CDT1: variants seen among roughly 807,000 people sequenced by gnomAD.
CDT1 encodes the protein DNA replication factor Cdt1.
CDT1 carries 66 observed loss-of-function variants against 49.3 expected under a neutral mutation model. The ratio of observed to expected loss-of-function variants is 1.34; its 90% CI spans 1.10 to 1.64. CDT1 has a LOEUF of 1.64. CDT1 is among the 40% of genes most tolerant of loss of function. The pLI is 0.00. For synonymous variants in CDT1, 424 were observed against 347.4 expected (o/e 1.22, Z -2.45); for missense variants, 958 against 807.7 (o/e 1.19, Z -2.26).
chr16:88,806,928 G>C, intron 7 of CDT1, 123 bp from the exon 8 acceptor site: 2 of 1,376,606 alleles, frequency 1.5e-6, no homozygotes, highest in Non-Finnish European at 2.1e-6. Context: ...TGCATTGACC[G>C]GCACAGACCA....
In CDT1 at chr16:88,806,009, C is replaced by T. The variant is rs769684855; in HGVS notation, c.833-12C>T. The T allele has an allele frequency of 6.3e-7, 1 of 1,585,410 alleles. No homozygotes were observed. Among genetic ancestry groups the T allele is most frequent in the Non-Finnish European group, 8.6e-7 (1 of 1,169,380 alleles). On this transcript the variant is annotated splice_polypyrimidine_tract_variant and intron_variant, in intron 5 of 9. Transcript: ENST00000301019. ...GGCCTGGTGGGGACTTAGGCCTGGACTCGTCCCACAGAGGCTGACGGAGCA... is the reference window on the plus strand; with the variant it reads ...GGCCTGGTGGGGACTTAGGCCTGGATTCGTCCCACAGAGGCTGACGGAGCA...
At chr16:88,804,316 G>A (rs1042259899) in intron 1 of CDT1, among the ~76,000 whole-genome samples, 2 of 152,170 alleles carry the variant, frequency 1.3e-5, no homozygotes, top group African/African-American at 4.8e-5. Context: ...TGGAAGTCCA[G>A]CTTCTCTGCG....
rs961795841 is a variant in CDT1, at chr16:88,808,062, C to T, written c.1478-53C>T. The stretch of plus-strand genomic sequence containing the variant: ...GGTCAGGCTGGTTTCAAGTGCTGCC[C>T]GTGCAGGGCTGGGGCCCAGCACCAG... On this transcript the variant is annotated intron_variant, in intron 9 of 9. Transcript: ENST00000301019. The T allele has an allele frequency of 6.6e-5, 105 of 1,589,116 alleles. 2 individuals are homozygous for T. Among genetic ancestry groups the T allele is most frequent in the South Asian group, 5.9e-4 (52 of 88,682 alleles).
Position 88,807,436 on chromosome 16 carries a change from G to A in CDT1, c.1431G>A (p.Val477=). The stretch of plus-strand genomic sequence containing the variant: ...GCAAGCCTGCGCTCAGCATGGAGGT[G>A]GCCTGTGCCAGGATGGTGGGCAGCT... ...SERKPALSME[V]ACARMVGSCC... Residue 477 remains valine (V), a synonymous_variant, in exon 9 of 10, where the codon GTG becomes GTA. Coordinates refer to ENST00000301019, the MANE Select transcript of CDT1 (RefSeq NM_030928.4). 1 of 1,613,184 alleles carries A rather than the reference G, an allele frequency of 6.2e-7. No homozygotes were observed. The highest frequency in any genetic ancestry group is 8.5e-7 in the Non-Finnish European group (1 of 1,179,982).
Position 88,808,730 on chromosome 16 carries a change from C to T in CDT1, c.*452C>T, listed in dbSNP as rs551747679. 5 of 192,634 alleles carry T rather than the reference C, an allele frequency of 2.6e-5. 1 individual carries two copies. Among genetic ancestry groups the T allele is most frequent in the East Asian group, 1.3e-4 (1 of 7,440 alleles). The allele number at this position is 192,634 out of a possible 1,614,324, so 11.9% of individuals were successfully genotyped here. ...AGAAAGACTGGGGTGGGTGTGGTGG[C>T]TCACGCCTGTAACCCCAGCACTTTG... On this transcript the variant is annotated 3_prime_UTR_variant, in exon 10 of 10. Transcript: ENST00000301019.
rs1176736517 is a variant in CDT1, at chr16:88,808,286, G to A, written c.*8G>A. 3.2e-6 allele frequency: 5 copies of A among 1,577,810 alleles called. No homozygotes were observed. Among genetic ancestry groups the A allele is most frequent in the Admixed American group, 1.8e-5 (1 of 54,344 alleles). Reference sequence around the variant, plus strand: ...GCTGAGGAGGGGCTGTGAGCCTGGGGGCCACTGTGGACAGACGTGGGCTTC... The same window carrying A: ...GCTGAGGAGGGGCTGTGAGCCTGGGAGCCACTGTGGACAGACGTGGGCTTC... On this transcript the variant is annotated 3_prime_UTR_variant, in exon 10 of 10. Transcript: ENST00000301019.
chr16:88,804,150 A>C, intron 1 of CDT1, 91 bp downstream of exon 1: 14 of 625,160 alleles, frequency 2.2e-5, no homozygotes, highest in Non-Finnish European at 2.7e-5. Flanking sequence ...AGGCGGAGGG[A>C]CGGGGGCGGG....
rs1908882700 is a variant in CDT1 at position 88,807,040 on chromosome 16, CCCT to C, written c.1123-8_1123-6del. ...TTGTGACCTCTCCAGTCCAACCTGT[CCCT>C]CCCGCAGATGGAGAAGGCCTTGAGT... On this transcript the variant is annotated splice_polypyrimidine_tract_variant and splice_region_variant and intron_variant, in intron 7 of 9. Coordinates refer to ENST00000301019, the MANE Select transcript of CDT1 (RefSeq NM_030928.4). 3 of 1,612,716 alleles carry C rather than the reference CCCT, an allele frequency of 1.9e-6. No homozygotes were observed. The highest frequency in any genetic ancestry group is 2.5e-6 in the Non-Finnish European group (3 of 1,179,952).
Position 88,804,649 on chromosome 16 carries a change from G to A in CDT1, c.333G>A (p.Leu111=), listed in dbSNP as rs1315222620. ...CGGCAGCAGGTCAGCCGCCCCACCT[G>A]ACATCCGCGCAGGACCAGGTGAGGG... ...STPAAGQPPH[L]TSAQDQDTIS... is the part of the protein sequence containing the mutation. The change falls in exon 2 of 10, where the codon CTG becomes CTA. Residue 111 remains leucine, a synonymous_variant. Coordinates refer to ENST00000301019, the MANE Select transcript of CDT1 (RefSeq NM_030928.4). 1 of 1,612,602 alleles carries A rather than the reference G, an allele frequency of 6.2e-7. No homozygotes were observed. The highest frequency in any genetic ancestry group is 1.3e-5 in the African/African-American group (1 of 75,050).
chr16:88,805,824 A>G lies in CDT1; in HGVS notation c.787A>G (p.Arg263Gly), dbSNP rs563825572. Residue 263 changes from arginine to glycine, a missense_variant, in exon 5 of 10, where the codon AGG becomes GGG. Physicochemically the swap from Arg to Gly is moderately radical, Grantham distance 125 (BLOSUM62 -2). Transcript: ENST00000301019. ...RSVPTFKDGT[R>G]RSDYQLTIEP... Reference sequence around the variant, plus strand: ...TGTCCCCACCTTCAAGGATGGCACCAGGAGGTCAGATTACCAGCTCACCAT... The same window carrying G: ...TGTCCCCACCTTCAAGGATGGCACCGGGAGGTCAGATTACCAGCTCACCAT... 1.9e-6 allele frequency: 3 copies of G among 1,613,116 alleles called. No homozygotes were observed. Among genetic ancestry groups the G allele is most frequent in the Admixed American group, 3.3e-5 (2 of 60,020 alleles).
chr16:88,805,214 T>C (rs1228927742), intron 3 of CDT1, among the ~76,000 whole-genome samples: 2 of 152,182 alleles, frequency 1.3e-5, no homozygotes, highest in Non-Finnish European at 2.9e-5. Flanking sequence ...AGAGCTTCCC[T>C]GGGGGAGCTG....
At position 88,807,424 on chromosome 16, in the gene CDT1, C is replaced by T; in HGVS notation, c.1419C>T (p.Leu473=). 6.2e-7 allele frequency: 1 copy of T among 1,613,104 alleles called. No individual in the cohort carries two copies. Among genetic ancestry groups the T allele is most frequent in the South Asian group, 1.1e-5 (1 of 91,080 alleles). ...SVFVSERKPA[L]SMEVACARMV... ...TTGTGTCCGAACGCAAGCCTGCGCT[C>T]AGCATGGAGGTGGCCTGTGCCAGGA... Residue 473 remains leucine (L), a synonymous_variant, in exon 9 of 10, where the codon CTC becomes CTT. Coordinates refer to ENST00000301019, the MANE Select transcript of CDT1 (RefSeq NM_030928.4).
intron 9 of CDT1, among the ~76,000 whole-genome samples, chr16:88,807,899 C>G (rs1239432697): frequency 1.3e-5 from 2 of 152,228 alleles, no homozygotes; most frequent in African/African-American, 2.4e-5. Flanking sequence ...TGCCTCCTCA[C>G]AGGGCCTCAA....
At position 88,806,340 on chromosome 16, in the gene CDT1, G is replaced by C. The variant is rs570201077; in HGVS notation, c.934-146G>C. The C allele has an allele frequency of 2.4e-5, 27 of 1,119,664 alleles. No individual in the cohort carries two copies. In the East Asian group the frequency reaches 6.4e-4, roughly 27 times the overall value. The allele number at this position is 1,119,664 out of a possible 1,614,324, so 69.4% of individuals were successfully genotyped here. A position where few individuals can be genotyped will look rare whatever the true frequency, so the allele number is the denominator to read the frequency against. On this transcript the variant is annotated intron_variant, in intron 6 of 9. Coordinates refer to ENST00000301019, the MANE Select transcript of CDT1 (RefSeq NM_030928.4). ...GAGCGCGGACCATGGGAGGCCTTGT[G>C]CTCTCCCTCCAAGCTGAGCACTGGG...
chr16:88,805,907 T>TGAGCC, intron 5 of CDT1, 38 bp downstream of exon 5: 1 of 1,609,378 alleles, frequency 6.2e-7, no homozygotes, highest in Non-Finnish European at 8.5e-7. Flanking sequence ...TCCCCATCTG[T>TGAGCC]GAGCCGCACA....
chr16:88,806,837 G>A (rs1908875602), intron 7 of CDT1, among the ~76,000 whole-genome samples, 163 bp downstream of exon 7: 2 of 152,268 alleles, frequency 1.3e-5, no homozygotes, highest in South Asian at 4.1e-4. Flanking sequence ...TCTGTCCCCA[G>A]CTGCAGCCTC....
At position 88,808,538 on chromosome 16, in the gene CDT1, G is replaced by T; in HGVS notation, c.*260G>T. On this transcript the variant is annotated 3_prime_UTR_variant, in exon 10 of 10. Transcript: ENST00000301019. Reference sequence around the variant, plus strand: ...TCTGTCCTTGCTGCTGGTGGGGAAGGGAAGCCAGATCCAGCACCCCCTGGG... The same window carrying T: ...TCTGTCCTTGCTGCTGGTGGGGAAGTGAAGCCAGATCCAGCACCCCCTGGG... The T allele has an allele frequency of 3.7e-6, 2 of 543,030 alleles. No homozygotes were observed. Among genetic ancestry groups the T allele is most frequent in the Non-Finnish European group, 3.3e-6 (1 of 305,102 alleles). 33.6% of individuals were successfully genotyped at this position (543,030 alleles called of 1,614,324 possible). A position where few individuals can be genotyped will look rare whatever the true frequency, so the allele number is the denominator to read the frequency against.
In CDT1 at chr16:88,805,738, G is replaced by A. The variant is rs562796806; in HGVS notation, c.701G>A (p.Cys234Tyr). Residue 234 changes from cysteine to tyrosine, a missense_variant, in exon 5 of 10, where the codon TGC becomes TAC. Cys to Tyr is a radical substitution (Grantham distance 194). Transcript: ENST00000301019. ...TCCTCCCATAGGCGTTTTGAGGAGT[G>A]CAATGTTGGCCAGATCAAAACCGTG... ...QDMMRRRFEE[C>Y]NVGQIKTVYP... The A allele has an allele frequency of 2.5e-5, 41 of 1,612,972 alleles. No homozygotes were observed. In the South Asian group the frequency reaches 3.1e-4, roughly 12 times the overall value.
intron 7 of CDT1, 94 bp from the exon 8 acceptor site, chr16:88,806,957 C>G: frequency 2.0e-6 from 3 of 1,517,492 alleles, no homozygotes; most frequent in Non-Finnish European, 1.8e-6. Flanking sequence ...GCTGGGTGAA[C>G]TTGTGCCTTG....
Sources: gnomAD v4.1 joint callset for allele counts (sites outside exome capture counted in the v4.1 genomes callset) on GRCh38, gnomAD v4.1.1 for gene constraint, MANE v1.5 for transcripts, NCBI Gene and HGNC (gene_info 2026-07-23, HGNC 2026-07-21) for gene names.